Variants in SCAF8 observed in about 807,000 individuals in gnomAD.
SCAF8 encodes SR-related and CTD-associated factor 8.
A neutral mutation model predicts 140.5 loss-of-function variants in SCAF8; 23 were observed. That is an observed-to-expected ratio of 0.16 (90% CI 0.12 to 0.23). The LOEUF is 0.23. SCAF8 is among the 10% of genes least tolerant of loss of function. The pLI is 1.00. For synonymous variants in SCAF8, 575 were observed against 528.9 expected, an observed-to-expected ratio of 1.09 and a Z score of -1.20; for missense variants, 1,397 against 1,555.7, an observed-to-expected ratio of 0.90 and a Z score of 1.72.
At chr6:154,741,258 T>C (rs1310867987) in intron 1 of SCAF8, among the ~76,000 whole-genome samples, 1 of 152,188 alleles carries the variant, frequency 6.6e-6, no homozygotes, top group Non-Finnish European at 1.5e-5. Flanking sequence ...TCATTAAATA[T>C]AAAAAAATTT....
chr6:154,824,470 C>A, intron 17 of SCAF8, 92 bp downstream of exon 17: 1 of 1,193,130 alleles, frequency 8.4e-7, no homozygotes, highest in Non-Finnish European at 1.2e-6. Flanking sequence ...AGCAGTGGTT[C>A]TGAGACCTTA....
intron 1 of SCAF8, among the ~76,000 whole-genome samples, chr6:154,749,595 T>G (rs1386017537): frequency 6.6e-6 from 1 of 152,184 alleles, no homozygotes; most frequent in African/African-American, 2.4e-5. Flanking sequence ...TACACTGTGA[T>G]GTATACAGTA....
intron 1 of SCAF8, among the ~76,000 whole-genome samples, chr6:154,769,054 C>T (rs1396536493): frequency 1.1e-5 from 1 of 88,396 alleles, no homozygotes; most frequent in Admixed American, 1.7e-4. Flanking sequence ...CAGAGTGAGA[C>T]ACTGTCTCAA....
At chr6:154,761,378 C>T (rs1360291258) in intron 1 of SCAF8, among the ~76,000 whole-genome samples, 3 of 151,756 alleles carry the variant, frequency 2.0e-5, no homozygotes, top group East Asian at 3.9e-4. Flanking sequence ...CCCAGCGGCT[C>T]GGGAGGCTGA....
At chr6:154,754,467 G>T (rs1403242421) in intron 1 of SCAF8, among the ~76,000 whole-genome samples, 2 of 152,182 alleles carry the variant, frequency 1.3e-5, no homozygotes, top group Non-Finnish European at 2.9e-5. Context: ...TTGAGACACA[G>T]TTCCATAACT....
intron 1 of SCAF8, among the ~76,000 whole-genome samples, chr6:154,756,995 G>A (rs900325211): frequency 2.6e-5 from 4 of 151,868 alleles, no homozygotes; most frequent in African/African-American, 9.7e-5. Flanking sequence ...CTGCACTCCA[G>A]CCTGGGTGAC....
chr6:154,814,956 G>T (rs1243000094), intron 12 of SCAF8, among the ~76,000 whole-genome samples: 1 of 152,136 alleles, frequency 6.6e-6, no homozygotes, highest in African/African-American at 2.4e-5. Flanking sequence ...TTTATCTCTT[G>T]ATTAGGGAGA....
intron 3 of SCAF8, among the ~76,000 whole-genome samples, chr6:154,782,802 A>G (rs998911967): frequency 1.3e-5 from 2 of 152,030 alleles, no homozygotes; most frequent in Non-Finnish European, 2.9e-5. Flanking sequence ...GGCTAGGCCA[A>G]TCTCTCGTTT....
chr6:154,766,669 C>CTTT (rs56995922), intron 1 of SCAF8, among the ~76,000 whole-genome samples: 13,601 of 82,094 alleles, frequency 0.17, 1,586 homozygotes, highest in East Asian at 0.55. Flanking sequence ...ACCCCCCCCC[C>CTTT]TTTTTTTTTT....
chr6:154,778,926 A>C (rs1293233734), intron 3 of SCAF8, among the ~76,000 whole-genome samples: 1 of 152,136 alleles, frequency 6.6e-6, no homozygotes, highest in East Asian at 1.9e-4. Flanking sequence ...GTGATTAGAA[A>C]ATTTTATTTG....
intron 6 of SCAF8, among the ~76,000 whole-genome samples, chr6:154,800,938 TTGAAAG>T (rs1005527219): frequency 2.0e-5 from 3 of 151,382 alleles, no homozygotes; most frequent in African/African-American, 7.2e-5. Flanking sequence ...AGAAGAAACT[TTGAAAG>T]GGATAGTACA....
chr6:154,805,500 T>G lies in SCAF8; in HGVS notation c.981+14T>G, dbSNP rs754034409. On this transcript the variant is annotated intron_variant, in intron 9 of 19. Transcript: ENST00000367178. The stretch of plus-strand genomic sequence containing the variant: ...CAGCCTCAAAAGGTTTATAACCCCA[T>G]CTTGTGGTCTTTAGAGTTATTACTA... 1.2e-5 allele frequency: 18 copies of G among 1,455,726 alleles called. No homozygotes were observed. The East Asian group carries it at 4.1e-4, about 33-fold the overall frequency. 90.2% of individuals were successfully genotyped at this position (1,455,726 alleles called of 1,614,324 possible). A position where few individuals can be genotyped will look rare whatever the true frequency, so the allele number is the denominator to read the frequency against.
intron 15 of SCAF8, among the ~76,000 whole-genome samples, chr6:154,821,918 C>G (rs1168869308): frequency 6.6e-6 from 1 of 152,148 alleles, no homozygotes; most frequent in Non-Finnish European, 1.5e-5. Flanking sequence ...TGGATTAATA[C>G]TCTCCTAGTT....
chr6:154,795,657 G>A (rs1452837875), intron 6 of SCAF8, among the ~76,000 whole-genome samples: 1 of 152,150 alleles, frequency 6.6e-6, no homozygotes, highest in East Asian at 1.9e-4. Context: ...CAGGAGGATA[G>A]GAAATAGAAT....
intron 8 of SCAF8, 79 bp from the exon 9 acceptor site, chr6:154,805,290 G>T: frequency 2.5e-6 from 2 of 791,178 alleles, no homozygotes; most frequent in African/African-American, 1.7e-5. Flanking sequence ...TGACTTTTTT[G>T]TTTTCTTTGA....
At chr6:154,831,712 A>T (rs1156930269) in intron 19 of SCAF8, among the ~76,000 whole-genome samples, 9 of 18,602 alleles carry the variant, frequency 4.8e-4, no homozygotes, top group Admixed American at 2.0e-3. Context: ...TTAAAAAAAA[A>T]AAAAAAAAAA....
intron 3 of SCAF8, among the ~76,000 whole-genome samples, chr6:154,784,788 G>T (rs1350910767): frequency 2.6e-5 from 4 of 152,142 alleles, no homozygotes; most frequent in African/African-American, 4.8e-5. Flanking sequence ...AATCCCCCAA[G>T]GCTACTGAAG....
intron 1 of SCAF8, among the ~76,000 whole-genome samples, chr6:154,744,147 G>A (rs1328270706): frequency 6.6e-6 from 1 of 152,114 alleles, no homozygotes; most frequent in Non-Finnish European, 1.5e-5. Context: ...ATAAAAATTA[G>A]CCAGGCGTGG....
chr6:154,832,260 C>T lies in SCAF8; in HGVS notation c.2681C>T (p.Pro894Leu). Reference sequence around the variant, plus strand: ...CAGCCACCAAATGTTCCAAATACTCCTGGACTTCTGGGAACACAGCCACCA... The same window carrying T: ...CAGCCACCAAATGTTCCAAATACTCTTGGACTTCTGGGAACACAGCCACCA... ...GVQPPNVPNT[P>L]GLLGTQPPAG... Residue 894 changes from proline (P) to leucine (L), a missense_variant, in exon 20 of 20, where the codon CCT (proline) becomes CTT (leucine). Physicochemically the swap from Pro to Leu is moderately conservative, Grantham distance 98 (BLOSUM62 -3). Around this residue, in one of 5 missense-constraint regions of SCAF8, gnomAD observed 930 missense variants for 874.6 expected, o/e 1.06. Coordinates refer to ENST00000367178, the MANE Select transcript of SCAF8 (RefSeq NM_014892.5). The T allele has an allele frequency of 6.2e-7, 1 of 1,614,150 alleles. No individual in the cohort carries two copies. The highest frequency in any genetic ancestry group is 8.5e-7 in the Non-Finnish European group (1 of 1,180,004).
Sources: allele counts gnomAD v4.1 joint callset (sites outside exome capture counted in the v4.1 genomes callset), GRCh38; gene constraint gnomAD v4.1.1; regional missense constraint gnomAD v4.1.1; transcripts MANE v1.5; gene names NCBI Gene and HGNC (gene_info 2026-07-23, HGNC 2026-07-21).